Variants in RYR3 observed in about 807,000 individuals in gnomAD.
The protein encoded by RYR3 is brain ryanodine receptor-calcium release channel.
A neutral mutation model predicts 584.3 loss-of-function variants in RYR3; 207 were observed. That is an observed-to-expected ratio of 0.35 (90% CI 0.32 to 0.40). The LOEUF is 0.40. Among genes scored for constraint, RYR3 ranks in the 10% least tolerant of loss-of-function variants. The pLI is 1.00. For missense variants in RYR3, 5,616 were observed against 6,089.2 expected (o/e 0.92, Z 2.59); for synonymous variants, 2,416 against 2,248.5 (o/e 1.07, Z -2.11).
Position 33,646,538 on chromosome 15 carries a change from G to A in RYR3, c.3941+12G>A, listed in dbSNP as rs775933726. On this transcript the variant is annotated intron_variant, in intron 29 of 103. Coordinates refer to ENST00000634891, the MANE Select transcript of RYR3 (RefSeq NM_001036.6). ...GCTTTCCAGAAAAGGTGAGGGTGAG[G>A]CCTCCAGTTCTCAGAGGCACTCATT... 8.1e-6 allele frequency: 13 copies of A among 1,601,194 alleles called. No homozygotes were observed. Among genetic ancestry groups the A allele is most frequent in the Middle Eastern group, 3.3e-4 (2 of 5,990 alleles).
At chr15:33,391,977 T>G (rs1248500304) in intron 1 of RYR3, among the ~76,000 whole-genome samples, 2 of 152,164 alleles carry the variant, frequency 1.3e-5, no homozygotes, top group Non-Finnish European at 2.9e-5. Context: ...AAAAGCTGCT[T>G]CTTAAGGGAA....
chr15:33,825,578 CT>C, intron 81 of RYR3, 24 bp from the exon 82 acceptor site: 2 of 1,555,916 alleles, frequency 1.3e-6, no homozygotes, highest in Non-Finnish European at 1.8e-6. Flanking sequence ...AGCCCTGAAC[CT>C]TGTTTCTTTC....
intron 38 of RYR3, among the ~76,000 whole-genome samples, chr15:33,684,764 C>T (rs536253404): frequency 2.0e-5 from 3 of 152,304 alleles, no homozygotes; most frequent in South Asian, 2.1e-4. Context: ...CAGCAGAAAC[C>T]CTGCAAGCCA....
chr15:33,796,601 A>G (rs2075640854), intron 67 of RYR3, among the ~76,000 whole-genome samples: 1 of 152,190 alleles, frequency 6.6e-6, no homozygotes, highest in Non-Finnish European at 1.5e-5. Flanking sequence ...TTACAAGTAC[A>G]GTTTTGTTAC....
At chr15:33,859,854 A>G in intron 100 of RYR3, 123 bp downstream of exon 100, 1 of 1,107,766 alleles carries the variant, frequency 9.0e-7, no homozygotes, top group Admixed American at 2.4e-5. Context: ...TAATTTAGCA[A>G]GAACTAATTT....
chr15:33,851,547 G>A lies in RYR3; in HGVS notation c.13629-1498G>A, dbSNP rs537941835. ...TCTCTATGCCACACTTTAAGGACTC[G>A]TAACAAGTAAAAAATCTGTTTTCTA... On this transcript the variant is annotated intron_variant, in intron 94 of 103. Coordinates refer to ENST00000634891, the MANE Select transcript of RYR3 (RefSeq NM_001036.6). 6.6e-5 allele frequency: 10 copies of A among 152,114 alleles called. 1 individual carries two copies. The highest frequency in any genetic ancestry group is 6.8e-3 in the Middle Eastern group (2 of 294). The allele number at this position is 152,114 out of a possible 1,614,324, so 9.4% of individuals were successfully genotyped here.
At chr15:33,771,077 C>G (rs554068426) in intron 62 of RYR3, among the ~76,000 whole-genome samples, 5 of 152,124 alleles carry the variant, frequency 3.3e-5, no homozygotes, top group Non-Finnish European at 5.9e-5. Context: ...ATTAAGCTGT[C>G]TACTTTAAAA....
chr15:33,707,093 T>C (rs978913635), intron 43 of RYR3, 39 bp downstream of exon 43: 3 of 1,609,662 alleles, frequency 1.9e-6, no homozygotes, highest in Admixed American at 1.7e-5. Flanking sequence ...ATACCCAGAA[T>C]AGCATGATCG....
chr15:33,318,078 T>C (rs1968449735), intron 1 of RYR3, among the ~76,000 whole-genome samples: 1 of 152,070 alleles, frequency 6.6e-6, no homozygotes, highest in Admixed American at 6.5e-5. Context: ...ACATGAGCTC[T>C]TCCCTCTGGG....
chr15:33,727,437 T>G (rs1477978201), intron 46 of RYR3, among the ~76,000 whole-genome samples: 1 of 152,160 alleles, frequency 6.6e-6, no homozygotes, highest in Non-Finnish European at 1.5e-5. Flanking sequence ...CAAATAAGTT[T>G]AGGAAATGCT....
chr15:33,505,070 T>C (rs940853637), intron 3 of RYR3, among the ~76,000 whole-genome samples: 2 of 152,234 alleles, frequency 1.3e-5, no homozygotes, highest in African/African-American at 4.8e-5. Context: ...GTAGAAACTG[T>C]TTGCAGTTAC....
intron 1 of RYR3, among the ~76,000 whole-genome samples, chr15:33,435,390 G>T (rs989088799): frequency 2.6e-5 from 4 of 152,194 alleles, no homozygotes; most frequent in Non-Finnish European, 4.4e-5. Flanking sequence ...CAGCTACTCT[G>T]TGGCATTCCA....
At chr15:33,803,506 T>G (rs1318030676) in intron 69 of RYR3, among the ~76,000 whole-genome samples, 1 of 152,054 alleles carries the variant, frequency 6.6e-6, no homozygotes, top group Non-Finnish European at 1.5e-5. Flanking sequence ...CCAGACAGAT[T>G]CCATACTATC....
intron 1 of RYR3, among the ~76,000 whole-genome samples, chr15:33,459,395 GTC>G (rs2047832410): frequency 6.6e-6 from 1 of 152,170 alleles, no homozygotes; most frequent in Non-Finnish European, 1.5e-5. Flanking sequence ...AATTCTCAAA[GTC>G]TCTTGGAGAT....
chr15:33,530,599 A>G lies in RYR3; in HGVS notation c.287A>G (p.Gln96Arg), dbSNP rs757712511. ...TGENGGEGAA[Q>R]GGGHRTLLYG... is the part of the protein sequence containing the mutation. The stretch of plus-strand genomic sequence containing the variant: ...TCTTCCTCATTCCCACAGGCAGCAC[A>G]AGGAGGTGGCCACAGGACCCTGTTA... The change falls in exon 4 of 104, where the codon CAA (glutamine) becomes CGA (arginine). Residue 96 changes from glutamine (Q) to arginine (R), a missense_variant. By Grantham distance (43) the Gln-to-Arg change is conservative. Transcript: ENST00000634891. 1.1e-5 allele frequency: 17 copies of G among 1,612,708 alleles called. No individual in the cohort carries two copies. The Admixed American group carries it at 2.3e-4, about 22-fold the overall frequency.
At chr15:33,340,073 T>G (rs560722435) in intron 1 of RYR3, among the ~76,000 whole-genome samples, 123 of 152,352 alleles carry the variant, frequency 8.1e-4, no homozygotes, top group Non-Finnish European at 1.3e-3. Context: ...AGACCCATCC[T>G]GATCCTACTG....
chr15:33,767,782 G>A (rs1412733092), intron 60 of RYR3, among the ~76,000 whole-genome samples: 1 of 152,122 alleles, frequency 6.6e-6, no homozygotes, highest in Non-Finnish European at 1.5e-5. Context: ...GTCTAGCCAT[G>A]CCAGTGTCAG....
At chr15:33,381,358 A>T (rs569365196) in intron 1 of RYR3, among the ~76,000 whole-genome samples, 2 of 152,306 alleles carry the variant, frequency 1.3e-5, no homozygotes, top group East Asian at 3.9e-4. Context: ...CTATGAGGTC[A>T]GGGATTTTTA....
chr15:33,727,311 T>C (rs929604321), intron 46 of RYR3, among the ~76,000 whole-genome samples: 1 of 152,214 alleles, frequency 6.6e-6, no homozygotes, highest in Non-Finnish European at 1.5e-5. Flanking sequence ...TCCAGGCTAA[T>C]GGAAGAATTG....
Sources: allele counts gnomAD v4.1 joint callset (sites outside exome capture counted in the v4.1 genomes callset), GRCh38; gene constraint gnomAD v4.1.1; transcripts MANE v1.5; gene names NCBI Gene and HGNC (gene_info 2026-07-23, HGNC 2026-07-21).